Variants in AKAP6 observed in about 807,000 individuals in gnomAD.
AKAP6 encodes A-kinase anchor protein 6.
Under a neutral mutation model 188.5 loss-of-function variants are expected in AKAP6, and 58 were observed. The observed-to-expected ratio is 0.31, with a 90% CI of 0.25 to 0.38. The LOEUF (loss-of-function observed/expected upper bound fraction) is 0.38. AKAP6 is among the 10% of genes least tolerant of loss of function. The probability of loss-of-function intolerance (pLI) is 1.00; values close to 1 mark genes in which losing one functional copy is unlikely to be tolerated. For synonymous variants in AKAP6, 989 were observed against 998.6 expected, an observed-to-expected ratio of 0.99 and a Z score of 0.18; for missense variants, 2,710 against 2,740.0, an observed-to-expected ratio of 0.99 and a Z score of 0.24.
chr14:32,715,459 C>T (rs1686210618), intron 9 of AKAP6, among the ~76,000 whole-genome samples: 2 of 151,918 alleles, frequency 1.3e-5, no homozygotes, highest in Admixed American at 1.3e-4. Context: ...AACGAAAAAA[C>T]ATGAAATAAT....
intron 2 of AKAP6, among the ~76,000 whole-genome samples, chr14:32,454,809 C>T (rs372954206): frequency 3.0e-4 from 7 of 23,490 alleles, no homozygotes; most frequent in East Asian, 1.6e-3. Context: ...CCCTCCCTCC[C>T]TCCCTCCCTC....
At chr14:32,582,062 G>A (rs1180792651) in intron 5 of AKAP6, among the ~76,000 whole-genome samples, 11 of 150,668 alleles carry the variant, frequency 7.3e-5, no homozygotes, top group South Asian at 2.1e-4. Context: ...TATTTTGCTC[G>A]TTAGTTGATG....
intron 1 of AKAP6, among the ~76,000 whole-genome samples, chr14:32,359,491 A>C (rs1279336217): frequency 1.3e-5 from 2 of 152,064 alleles, no homozygotes; most frequent in Non-Finnish European, 2.9e-5. Context: ...TATTGACATC[A>C]GACATAATTA....
rs755200491 is a variant in AKAP6, at chr14:32,835,642, C to T, written c.*5837C>T. The stretch of plus-strand genomic sequence containing the variant: ...CATGATCAAAATATTGTATATAGTA[C>T]ACCTTCAGTTCCCAACTGCTGAATT... On this transcript the variant is annotated 3_prime_UTR_variant, in exon 14 of 14. Coordinates refer to ENST00000280979, the MANE Select transcript of AKAP6 (RefSeq NM_004274.5). The T allele has an allele frequency of 3.9e-5, 6 of 152,274 alleles. No homozygotes were observed. Among genetic ancestry groups the T allele is most frequent in the Admixed American group, 2.0e-4 (3 of 15,304 alleles). 9.4% of individuals were successfully genotyped at this position (152,274 alleles called of 1,614,324 possible).
intron 7 of AKAP6, among the ~76,000 whole-genome samples, chr14:32,662,211 C>G (rs527293199): frequency 6.6e-6 from 1 of 151,954 alleles, no homozygotes; most frequent in East Asian, 1.9e-4. Context: ...CTTTAAATAT[C>G]CTGTAAAATG....
chr14:32,741,704 G>A (rs1420176698), intron 11 of AKAP6, among the ~76,000 whole-genome samples: 1 of 151,492 alleles, frequency 6.6e-6, no homozygotes, highest in East Asian at 1.9e-4. Flanking sequence ...GCATCCTTCA[G>A]ATAAATTCCC....
intron 9 of AKAP6, among the ~76,000 whole-genome samples, chr14:32,697,261 A>G (rs1040835849): frequency 1.5e-4 from 23 of 152,266 alleles, no homozygotes; most frequent in Non-Finnish European, 3.2e-4. Flanking sequence ...CATCTCAGTT[A>G]AGAGAAGATA....
chr14:32,589,863 C>G (rs978232384), intron 5 of AKAP6, among the ~76,000 whole-genome samples: 1 of 152,134 alleles, frequency 6.6e-6, no homozygotes, highest in African/African-American at 2.4e-5. Context: ...CTATGAGGCT[C>G]CATGCACAGG....
Position 32,830,222 on chromosome 14 carries a change from T to C in AKAP6, c.*417T>C, listed in dbSNP as rs1042130825. 17 of 393,270 alleles carry C rather than the reference T, an allele frequency of 4.3e-5. No homozygotes were observed. The South Asian group carries it at 1.1e-3, about 26-fold the overall frequency. The allele number at this position is 393,270 out of a possible 1,614,324, so 24.4% of individuals were successfully genotyped here. A position where few individuals can be genotyped will look rare whatever the true frequency, so the allele number is the denominator to read the frequency against. ...TCTAGAATGACCCCCCCACCAGTACTTGACCAATTTCATGTATCAATCTGG... is the reference window on the plus strand; with the variant it reads ...TCTAGAATGACCCCCCCACCAGTACCTGACCAATTTCATGTATCAATCTGG... On this transcript the variant is annotated 3_prime_UTR_variant, in exon 14 of 14. Coordinates refer to ENST00000280979, the MANE Select transcript of AKAP6 (RefSeq NM_004274.5).
intron 2 of AKAP6, among the ~76,000 whole-genome samples, chr14:32,530,663 A>T (rs1882371284): frequency 6.6e-6 from 1 of 152,182 alleles, no homozygotes. Context: ...GAGAAGTCAC[A>T]CTCAAGAGTT....
At chr14:32,481,075 A>G (rs1200297236) in intron 2 of AKAP6, among the ~76,000 whole-genome samples, 2 of 152,164 alleles carry the variant, frequency 1.3e-5, no homozygotes, top group Non-Finnish European at 1.5e-5. Flanking sequence ...ATAATTTTTA[A>G]AACATTTATT....
chr14:32,557,387 G>A (rs901536705), intron 4 of AKAP6, among the ~76,000 whole-genome samples: 3 of 152,140 alleles, frequency 2.0e-5, no homozygotes, highest in Non-Finnish European at 4.4e-5. Flanking sequence ...AGGAGCCGCC[G>A]CATGGCCCAT....
At position 32,826,473 on chromosome 14, in the gene AKAP6, C is replaced by T. The variant is rs548523502; in HGVS notation, c.*42+1658C>T. Among the ~76,000 whole-genome samples, 6 of 152,280 alleles carry T rather than the reference C, an allele frequency of 3.9e-5. No individual in the cohort carries two copies. The South Asian group carries it at 1.2e-3, about 32-fold the overall frequency. On this transcript the variant is annotated intron_variant, in intron 13 of 13. Transcript: ENST00000280979. ...CCGATTGTACTGCTGGCTCTGCCAA[C>T]CTCCGCAGAAGGGCTGGTAGAGCCT...
intron 12 of AKAP6, among the ~76,000 whole-genome samples, chr14:32,818,968 T>C (rs2034454297): frequency 6.6e-6 from 1 of 152,208 alleles, no homozygotes; most frequent in South Asian, 2.1e-4. Context: ...TAATATACTA[T>C]TTGATTAGAC....
chr14:32,629,220 G>T (rs1357241522), intron 7 of AKAP6, among the ~76,000 whole-genome samples: 2 of 151,910 alleles, frequency 1.3e-5, no homozygotes, highest in Non-Finnish European at 2.9e-5. Context: ...AAGTTGGTTG[G>T]CTGCCATTTA....
chr14:32,786,721 T>G (rs756798540), intron 12 of AKAP6, among the ~76,000 whole-genome samples: 1 of 152,140 alleles, frequency 6.6e-6, no homozygotes, highest in Non-Finnish European at 1.5e-5. Flanking sequence ...CCTATCACTG[T>G]TTTCTGAGTT....
chr14:32,401,673 G>A (rs1889095166), intron 1 of AKAP6, among the ~76,000 whole-genome samples: 1 of 152,102 alleles, frequency 6.6e-6, no homozygotes, highest in African/African-American at 2.4e-5. Flanking sequence ...ATATATTGCT[G>A]TTTTCTGGCA....
At chr14:32,601,301 G>T (rs78581638) in intron 7 of AKAP6, among the ~76,000 whole-genome samples, 1,722 of 152,262 alleles carry the variant, frequency 0.011, 17 homozygotes, top group Non-Finnish European at 0.017. Context: ...TGGGAAGAAG[G>T]TCATATGCTT....
At chr14:32,374,607 C>T (rs1888104692) in intron 1 of AKAP6, among the ~76,000 whole-genome samples, 1 of 152,140 alleles carries the variant, frequency 6.6e-6, no homozygotes, top group East Asian at 1.9e-4. Context: ...ACCCTGTAGA[C>T]AACCCGGAGC....
Sources: allele counts gnomAD v4.1 joint callset (sites outside exome capture counted in the v4.1 genomes callset), GRCh38; gene constraint gnomAD v4.1.1; transcripts MANE v1.5; gene names NCBI Gene and HGNC (gene_info 2026-07-23, HGNC 2026-07-21).